Variants in CTNNA3 observed in about 807,000 individuals in gnomAD.
CTNNA3 encodes the protein catenin alpha-3.
Under a neutral mutation model 95.7 loss-of-function variants are expected in CTNNA3, and 76 were observed. The observed-to-expected ratio is 0.79, with a 90% CI of 0.66 to 0.96. The LOEUF (loss-of-function observed/expected upper bound fraction) is 0.96. CTNNA3 is among the 40% of genes least tolerant of loss of function. CTNNA3 has a pLI of 0.00. For missense variants in CTNNA3, 1,191 were observed against 1,089.8 expected (o/e 1.09, Z -1.31); for synonymous variants, 431 against 374.4 (o/e 1.15, Z -1.74).
chr10:66,361,184 G>C (rs1326274231), intron 12 of CTNNA3, among the ~76,000 whole-genome samples: 4 of 150,100 alleles, frequency 2.7e-5, no homozygotes, highest in South Asian at 2.1e-4. Context: ...GCCCAGGCTG[G>C]TCTCGAACCC....
intron 7 of CTNNA3, among the ~76,000 whole-genome samples, chr10:67,074,342 C>CTTTTTTTTTT (rs36186252): frequency 1.5e-5 from 1 of 68,726 alleles, no homozygotes; most frequent in Non-Finnish European, 2.5e-5. Context: ...CACTTTAACT[C>CTTTTTTTTTT]TTTTTTTTTT....
intron 7 of CTNNA3, among the ~76,000 whole-genome samples, chr10:66,999,999 T>G (rs1450408482): frequency 6.6e-6 from 1 of 152,202 alleles, no homozygotes; most frequent in Non-Finnish European, 1.5e-5. Context: ...TTTGTCTTAC[T>G]AACACTTCAA....
chr10:67,685,324 T>G (rs1840709722), intron 1 of CTNNA3, among the ~76,000 whole-genome samples: 1 of 152,254 alleles, frequency 6.6e-6, no homozygotes, highest in East Asian at 1.9e-4. Context: ...CTTTAAGGTT[T>G]AGCTGAGTGC....
intron 7 of CTNNA3, among the ~76,000 whole-genome samples, chr10:66,989,801 A>C (rs1850940216): frequency 6.6e-6 from 1 of 152,144 alleles, no homozygotes; most frequent in African/African-American, 2.4e-5. Context: ...GTCTGAGCTC[A>C]TCCAGGAAAC....
chr10:66,718,520 A>C (rs542275655), intron 9 of CTNNA3, among the ~76,000 whole-genome samples: 1 of 152,100 alleles, frequency 6.6e-6, no homozygotes, highest in Admixed American at 6.6e-5. Flanking sequence ...TGTCCAAAAA[A>C]TACAGTATGC....
chr10:67,161,351 G>A (rs777555714), intron 7 of CTNNA3, among the ~76,000 whole-genome samples: 4 of 151,520 alleles, frequency 2.6e-5, no homozygotes, highest in Non-Finnish European at 5.9e-5. Flanking sequence ...AGTCTTACGT[G>A]TTTCTCAATA....
chr10:66,978,410 C>T (rs144647065), intron 7 of CTNNA3, among the ~76,000 whole-genome samples: 5,636 of 149,820 alleles, frequency 0.038, 212 homozygotes, highest in African/African-American at 0.097. Context: ...GCCTGTAATC[C>T]CAGCTATTCA....
Position 67,115,532 on chromosome 10 carries a change from T to A in CTNNA3, c.1047+64785A>T, listed in dbSNP as rs181676833. ...TAAAATAAAATAAAATTGATGAACA[T>A]GGGTGCTACATGATACAAGTATCAA... On this transcript the variant is annotated intron_variant, in intron 7 of 17. Transcript: ENST00000433211. Among the ~76,000 whole-genome samples, 498 of 151,690 alleles carry A rather than the reference T, an allele frequency of 3.3e-3. 1 individual carries two copies. The highest frequency in any genetic ancestry group is 0.012 in the African/African-American group (478 of 41,444).
chr10:67,353,471 G>C (rs1842707305), intron 5 of CTNNA3, among the ~76,000 whole-genome samples: 2 of 74,736 alleles, frequency 2.7e-5, no homozygotes, highest in South Asian at 7.8e-4. Context: ...AACTCATCCT[G>C]TTATGCACGT....
At chr10:67,024,368 T>C (rs1853220662) in intron 7 of CTNNA3, among the ~76,000 whole-genome samples, 3 of 152,222 alleles carry the variant, frequency 2.0e-5, no homozygotes, top group African/African-American at 4.8e-5. Flanking sequence ...CCTTTGCAGG[T>C]ACATCAGTGA....
chr10:66,424,513 C>A (rs1417329949), intron 11 of CTNNA3, among the ~76,000 whole-genome samples: 1 of 151,850 alleles, frequency 6.6e-6, no homozygotes, highest in Non-Finnish European at 1.5e-5. Context: ...CATTGTCTTG[C>A]AATATATTTC....
At chr10:67,012,758 A>C (rs771192207) in intron 7 of CTNNA3, among the ~76,000 whole-genome samples, 13 of 152,066 alleles carry the variant, frequency 8.5e-5, no homozygotes, top group Non-Finnish European at 1.6e-4. Flanking sequence ...ACTTCTGTAA[A>C]ATGATCAAGA....
At chr10:67,314,491 T>C (rs548935954) in intron 5 of CTNNA3, among the ~76,000 whole-genome samples, 2 of 152,298 alleles carry the variant, frequency 1.3e-5, no homozygotes, top group South Asian at 4.1e-4. Context: ...AATTTAACTA[T>C]GAAAATAATA....
rs566297098 is a variant in CTNNA3 at position 67,072,592 on chromosome 10, C to T, written c.1047+107725G>A. Among the ~76,000 whole-genome samples, 7 of 152,248 alleles carry T rather than the reference C, an allele frequency of 4.6e-5. No individual in the cohort carries two copies. The South Asian group carries it at 1.2e-3, about 27-fold the overall frequency. On this transcript the variant is annotated intron_variant, in intron 7 of 17. Coordinates refer to ENST00000433211, the MANE Select transcript of CTNNA3 (RefSeq NM_013266.4). ...AACCAAGGACTCAGCTGGGTTGGGG[C>T]TAGATTGCAGTTTTAGTGGAATGTA...
intron 11 of CTNNA3, 97 bp from the exon 12 acceptor site, chr10:66,379,449 T>C (rs2092820144): frequency 3.0e-6 from 3 of 1,002,722 alleles, no homozygotes; most frequent in Non-Finnish European, 3.0e-6. Context: ...TGACTTCAGA[T>C]AGAGTGCACA....
chr10:66,776,521 C>A (rs1252479870), intron 7 of CTNNA3, among the ~76,000 whole-genome samples: 2 of 152,142 alleles, frequency 1.3e-5, no homozygotes, highest in African/African-American at 4.8e-5. Context: ...GCAGTGGACT[C>A]CCTAACAAGA....
At chr10:66,889,408 T>C (rs892924817) in intron 7 of CTNNA3, among the ~76,000 whole-genome samples, 3 of 152,168 alleles carry the variant, frequency 2.0e-5, no homozygotes, top group African/African-American at 7.2e-5. Flanking sequence ...GTTCAGCAAT[T>C]GTAACAAGTG....
chr10:67,739,083 T>C (rs935087861), intron 1 of CTNNA3, among the ~76,000 whole-genome samples: 1 of 151,974 alleles, frequency 6.6e-6, no homozygotes, highest in African/African-American at 2.4e-5. Flanking sequence ...ATTCAGGAAA[T>C]ACACAGAATG....
intron 5 of CTNNA3, among the ~76,000 whole-genome samples, chr10:67,355,011 T>G (rs1842762428): frequency 6.6e-6 from 1 of 151,984 alleles, no homozygotes; most frequent in Non-Finnish European, 1.5e-5. Context: ...ATTTAATCCC[T>G]TCCAAATTAA....
Sources: allele counts gnomAD v4.1 joint callset (sites outside exome capture counted in the v4.1 genomes callset), GRCh38; gene constraint gnomAD v4.1.1; transcripts MANE v1.5; gene names NCBI Gene and HGNC (gene_info 2026-07-23, HGNC 2026-07-21).